The following TSC2 variants were observed in gnomAD, a reference collection of about 807,000 sequenced individuals.
TSC2 encodes the protein TSC complex subunit 2, also known as tuberin.
TSC2 carries 29 observed loss-of-function variants against 202.2 expected under a neutral mutation model. The ratio of observed to expected loss-of-function variants is 0.14; its 90% CI spans 0.11 to 0.20. TSC2 has a LOEUF of 0.20. TSC2 is among the 10% of genes least tolerant of loss of function. The pLI, the probability that TSC2 is intolerant of heterozygous loss-of-function variation, is 1.00. For synonymous variants in TSC2, 1,349 were observed against 1,044.0 expected (o/e 1.29, Z -5.63); for missense variants, 2,429 against 2,420.0 (o/e 1.00, Z -0.08).
chr16:2,072,982 A>G lies in TSC2; in HGVS notation c.2354A>G (p.Gln785Arg). The change falls in exon 21 of 42, where the codon CAG becomes CGG. Residue 785 changes from glutamine (Q) to arginine (R), a missense_variant and splice_region_variant. Gln to Arg is a conservative substitution (Grantham distance 43, BLOSUM62 1). Transcript: ENST00000219476. ...CATAACTACCTGGACAAAACCAAAC[A>G]GGTAGGAGGTCAGAGCAGGACAGGC... ...SYHNYLDKTK[Q>R]REMVYCLEQG... 6.2e-7 allele frequency: 1 copy of G among 1,613,406 alleles called. No individual in the cohort carries two copies. The highest frequency in any genetic ancestry group is 1.1e-5 in the South Asian group (1 of 91,090).
At chr16:2,083,380 C>T (rs2090369890) in intron 32 of TSC2, 4 of 510,064 alleles carry the variant, frequency 7.8e-6, no homozygotes, top group South Asian at 5.6e-5. Flanking sequence ...AGCTGAGGCC[C>T]GTCGGGCGGA....
At chr16:2,085,115 G>T in intron 35 of TSC2, 89 bp downstream of exon 35, 3 of 1,603,384 alleles carry the variant, frequency 1.9e-6, no homozygotes, top group South Asian at 2.2e-5. Flanking sequence ...GGGAGCTCAG[G>T]CTTGCAGAGG....
chr16:2,053,326 C>T lies in TSC2; in HGVS notation c.226-16C>T, dbSNP rs2151025516. The T allele has an allele frequency of 6.4e-7, 1 of 1,566,450 alleles. No individual in the cohort carries two copies. Among genetic ancestry groups the T allele is most frequent in the Non-Finnish European group, 8.6e-7 (1 of 1,156,616 alleles). On this transcript the variant is annotated splice_polypyrimidine_tract_variant and intron_variant, in intron 3 of 41. Coordinates refer to ENST00000219476, the MANE Select transcript of TSC2 (RefSeq NM_000548.5). ...GGAGAGCACATCCTCACCGCTGTCC[C>T]CTCTGCTGGTGACAGCACGCAGTGG...
Position 2,062,539 on chromosome 16 carries a change from A to G in TSC2, c.1300A>G (p.Ile434Val), listed in dbSNP as rs1289958823. ...CCTGATCTCCTATAGAGCGCAGTCC[A>G]TCCACCCGGCCAAGGACGGCTGGAT... ...LNLISYRAQS[I>V]HPAKDGWIQN... Residue 434 changes from isoleucine (I) to valine (V), a missense_variant, in exon 13 of 42, where the codon ATC becomes GTC. By Grantham distance (29) the Ile-to-Val change is conservative. Coordinates refer to ENST00000219476, the MANE Select transcript of TSC2 (RefSeq NM_000548.5). 1 of 1,612,614 alleles carries G rather than the reference A, an allele frequency of 6.2e-7. No individual in the cohort carries two copies.
chr16:2,062,121 G>A (rs1295446791), intron 12 of TSC2, 113 bp downstream of exon 12: 3 of 1,486,926 alleles, frequency 2.0e-6, no homozygotes, highest in Non-Finnish European at 1.8e-6. Flanking sequence ...GTGGGCGCCT[G>A]CTTTCCAGGT....
At chr16:2,060,948 C>T (rs756515655) in intron 11 of TSC2, 135 bp downstream of exon 11, 14 of 1,137,832 alleles carry the variant, frequency 1.2e-5, no homozygotes, top group Admixed American at 8.4e-5. Context: ...TCTGGTGATT[C>T]GCAGTGGCGC....
chr16:2,064,601 G>A (rs950469693), intron 15 of TSC2, 174 bp downstream of exon 15: 3 of 946,184 alleles, frequency 3.2e-6, no homozygotes, highest in South Asian at 3.1e-5. Context: ...TGCCACTGCT[G>A]GATTTGTGTC....
chr16:2,071,342 TCA>T (rs2151293596), intron 17 of TSC2, 166 bp from the exon 18 acceptor site: 3 of 703,954 alleles, frequency 4.3e-6, no homozygotes, highest in Admixed American at 2.1e-5. Context: ...GCCTCCGGTG[TCA>T]CCAGGACAGA....
Position 2,088,336 on chromosome 16 carries a change from T to TG in TSC2, c.5259+15dup, listed in dbSNP as rs1281042055. 6.2e-7 allele frequency: 1 copy of TG among 1,612,520 alleles called. No individual in the cohort carries two copies. Among genetic ancestry groups the TG allele is most frequent in the Non-Finnish European group, 8.5e-7 (1 of 1,179,984 alleles). ...CGGCTCCGCCAGCGGGTAGGGAATA[T>TG]GGGGCTCCCTCAGCGGGGTGTGCTG... On this transcript the variant is annotated intron_variant, in intron 41 of 41. Transcript: ENST00000219476.
intron 21 of TSC2, 25 bp from the exon 22 acceptor site, chr16:2,074,175 G>A (rs2151345657): frequency 1.2e-6 from 2 of 1,609,818 alleles, no homozygotes; most frequent in African/African-American, 1.3e-5. Flanking sequence ...AGCGGGTGGG[G>A]CCTGAGGTGT....
intron 37 of TSC2, 118 bp downstream of exon 37, chr16:2,086,497 C>A (rs982924046): frequency 6.8e-7 from 1 of 1,466,898 alleles, no homozygotes; most frequent in Non-Finnish European, 9.3e-7. Context: ...CTCCAGCTCC[C>A]CACGCCTCAG....
At chr16:2,084,753 C>T (rs757875384) in intron 34 of TSC2, 38 bp downstream of exon 34, 3 of 1,598,408 alleles carry the variant, frequency 1.9e-6, no homozygotes, top group Middle Eastern at 1.7e-4. Context: ...CCTGACACCT[C>T]TCCTGCGGGA....
chr16:2,059,835 A>G (rs1408343458), intron 10 of TSC2, among the ~76,000 whole-genome samples: 2 of 151,954 alleles, frequency 1.3e-5, no homozygotes, highest in Non-Finnish European at 2.9e-5. Flanking sequence ...AATGTTTTGT[A>G]TTTTTATTAG....
intron 41 of TSC2, 37 bp from the exon 42 acceptor site, chr16:2,088,409 C>A: frequency 6.2e-7 from 1 of 1,612,650 alleles, no homozygotes. Context: ...GTTGCCACGC[C>A]TCCCAGACTT....
At chr16:2,055,098 G>A (rs933029609) in intron 5 of TSC2, 11 of 462,358 alleles carry the variant, frequency 2.4e-5, no homozygotes, top group South Asian at 4.1e-5. Context: ...TGGTGATGTC[G>A]GCGTCTCCCA....
In TSC2 at chr16:2,089,419, G is replaced by C. The variant is rs925181097; in HGVS notation, c.*809G>C. On this transcript the variant is annotated 3_prime_UTR_variant, in exon 42 of 42. Coordinates refer to ENST00000219476, the MANE Select transcript of TSC2 (RefSeq NM_000548.5). ...CTTAGCAGTGGGGGACATCTGCCCA[G>C]GGGGTGGGGCCGGGCACAGCCCGCT... 3 of 469,290 alleles carry C rather than the reference G, an allele frequency of 6.4e-6. No individual in the cohort carries two copies. Among genetic ancestry groups the C allele is most frequent in the Non-Finnish European group, 1.2e-5 (3 of 258,558 alleles). 29.1% of individuals were successfully genotyped at this position (469,290 alleles called of 1,614,324 possible).
At chr16:2,067,867 G>A (rs2087619655) in intron 16 of TSC2, among the ~76,000 whole-genome samples, 2 of 152,200 alleles carry the variant, frequency 1.3e-5, no homozygotes, top group African/African-American at 4.8e-5. Flanking sequence ...GGGTGTGCTG[G>A]GCTGTGGGGG....
Position 2,079,821 on chromosome 16 carries a change from C to T in TSC2, c.3397+152C>T, listed in dbSNP as rs1478136454. 5.2e-6 allele frequency: 4 copies of T among 773,352 alleles called. No individual in the cohort carries two copies. Among genetic ancestry groups the T allele is most frequent in the Non-Finnish European group, 8.1e-6 (4 of 494,060 alleles). The allele number at this position is 773,352 out of a possible 1,614,324, so 47.9% of individuals were successfully genotyped here. On this transcript the variant is annotated intron_variant, in intron 29 of 41. Transcript: ENST00000219476. The surrounding 1 kb of genome is among the most constrained non-coding windows in gnomAD (Gnocchi z 4.6). ...TGACTCTGGGGTGAGCCTTCCACAG[C>T]TCACCCCAGAGCCGTGGAGTGGTGG...
rs397515219 is a variant in TSC2 at position 2,083,687 on chromosome 16, C to T, written c.3884-8C>T. On this transcript the variant is annotated splice_region_variant and splice_polypyrimidine_tract_variant and intron_variant, in intron 32 of 41. Coordinates refer to ENST00000219476, the MANE Select transcript of TSC2 (RefSeq NM_000548.5). Reference sequence around the variant, plus strand: ...CCACATCCAGCAGCCCCGTCTGTGTCCTCCCAGACTCCGCCGTGGTCATGG... The same window carrying T: ...CCACATCCAGCAGCCCCGTCTGTGTTCTCCCAGACTCCGCCGTGGTCATGG... 1.9e-6 allele frequency: 3 copies of T among 1,575,896 alleles called. No homozygotes were observed. Among genetic ancestry groups the T allele is most frequent in the African/African-American group, 1.3e-5 (1 of 74,598 alleles).
Sources: allele counts gnomAD v4.1 joint callset (sites outside exome capture counted in the v4.1 genomes callset), GRCh38; gene constraint gnomAD v4.1.1; non-coding constraint Gnocchi (gnomAD v3.1); transcripts MANE v1.5; gene names NCBI Gene and HGNC (gene_info 2026-07-23, HGNC 2026-07-21).